The following LSP1 variants were observed in gnomAD, a reference collection of about 807,000 sequenced individuals.
The protein encoded by LSP1 is lymphocyte-specific protein 1.
In LSP1, 32 loss-of-function variants were observed where a neutral mutation model predicts 49.3. The ratio of observed to expected loss-of-function variants is 0.65; its 90% CI spans 0.49 to 0.87. The LOEUF is 0.87. LSP1 is among the 40% of genes least tolerant of loss of function. LSP1 has a pLI of 0.00. For missense variants in LSP1, 428 were observed against 442.6 expected (o/e 0.97, Z 0.30); for synonymous variants, 179 against 178.8 (o/e 1.00, Z -0.01).
intron 1 of LSP1, chr11:1,866,359 C>A: frequency 1.0e-6 from 1 of 971,268 alleles, no homozygotes; most frequent in Non-Finnish European, 1.5e-6. Context: ...TCTGAGAGGC[C>A]AGAGAGCCAG....
intron 1 of LSP1, among the ~76,000 whole-genome samples, chr11:1,875,190 G>A (rs1282870136): frequency 6.7e-6 from 1 of 148,958 alleles, no homozygotes; most frequent in Non-Finnish European, 1.5e-5. Context: ...GGGAGGCTCC[G>A]CCCTCCCCCC....
chr11:1,870,950 C>G, intron 1 of LSP1: 2 of 985,792 alleles, frequency 2.0e-6, no homozygotes, highest in African/African-American at 3.5e-5. Context: ...AGGCGGGAGG[C>G]GCAGCCGGGC....
chr11:1,857,625 C>G (rs1274150189), intron 1 of LSP1, among the ~76,000 whole-genome samples: 1 of 152,220 alleles, frequency 6.6e-6, no homozygotes, highest in Non-Finnish European at 1.5e-5. Flanking sequence ...CTTGCTTCGG[C>G]TGCTATAGGC....
intron 1 of LSP1, among the ~76,000 whole-genome samples, chr11:1,875,939 C>T (rs1485864799): frequency 4.6e-5 from 7 of 152,252 alleles, no homozygotes; most frequent in Admixed American, 3.9e-4. Context: ...CCTCGAGCCC[C>T]TCCCTGGACT....
At chr11:1,877,411 G>A (rs1252408524) in intron 1 of LSP1, among the ~76,000 whole-genome samples, 1 of 152,160 alleles carries the variant, frequency 6.6e-6, no homozygotes, top group African/African-American at 2.4e-5. Flanking sequence ...GGAGACACCA[G>A]GAGATGCTTA....
chr11:1,866,382 G>A, intron 1 of LSP1: 1 of 1,170,714 alleles, frequency 8.5e-7, no homozygotes, highest in South Asian at 1.7e-5. Context: ...ATGCCCATGG[G>A]GGTGAGCTAA....
At chr11:1,876,422 G>A in intron 1 of LSP1, 1 of 983,430 alleles carries the variant, frequency 1.0e-6, no homozygotes, top group Non-Finnish European at 1.2e-6. Flanking sequence ...GTCAGGCCTG[G>A]AGGAGAAGCT....
chr11:1,883,486 A>C lies in LSP1; in HGVS notation c.424A>C (p.Lys142Gln), dbSNP rs764725057. The change falls in exon 4 of 11, where the codon AAG becomes CAG. Residue 142 changes from lysine to glutamine, a missense_variant. By Grantham distance (53) the Lys-to-Gln change is moderately conservative (BLOSUM62 1). Coordinates refer to ENST00000311604, the MANE Select transcript of LSP1 (RefSeq NM_002339.3). ...EVHLEELSLS[K>Q]EGPGPEDTVQ... ...CCACCTGGAGGAGTTGAGTCTGAGCAAGGAGGGGCCAGGCCCAGAGGACAC... is the reference window on the plus strand; with the variant it reads ...CCACCTGGAGGAGTTGAGTCTGAGCCAGGAGGGGCCAGGCCCAGAGGACAC... The C allele has an allele frequency of 3.1e-6, 5 of 1,614,046 alleles. No individual in the cohort carries two copies. In the South Asian group the frequency reaches 4.4e-5, roughly 14 times the overall value.
intron 1 of LSP1, among the ~76,000 whole-genome samples, chr11:1,864,942 G>A (rs1342746986): frequency 1.3e-5 from 2 of 152,082 alleles, no homozygotes; most frequent in African/African-American, 4.8e-5. Context: ...CAGGGACAAG[G>A]AGAACACCAG....
rs139864773 is a variant in LSP1, at chr11:1,887,851, C to T, written c.*13+275C>T. 4.1e-3 allele frequency among the ~76,000 whole-genome samples: 619 copies of T among 152,306 alleles called. 7 individuals are homozygous for T. The highest frequency in any genetic ancestry group is 0.014 in the African/African-American group (590 of 41,570). ...GCTCAAGGCTCCCATCTGGGACTCCCCAAAAGCCACAGCAGGGCTCGTGAG... is the reference window on the plus strand; with the variant it reads ...GCTCAAGGCTCCCATCTGGGACTCCTCAAAAGCCACAGCAGGGCTCGTGAG... On this transcript the variant is annotated intron_variant, in intron 10 of 10. Coordinates refer to ENST00000311604, the MANE Select transcript of LSP1 (RefSeq NM_002339.3).
intron 1 of LSP1, among the ~76,000 whole-genome samples, chr11:1,867,693 T>C (rs1241009730): frequency 6.6e-6 from 1 of 152,180 alleles, no homozygotes; most frequent in African/African-American, 2.4e-5. Flanking sequence ...GGCAAAGTGC[T>C]GTGTCCTCAG....
At position 1,889,338 on chromosome 11, in the gene LSP1, C is replaced by A. The variant is rs2090868; in HGVS notation, c.*13+1762C>A. ...CTCCCCACCGCTGGGCCCTGCCAGG[C>A]GCCCTTGGGCCTCCGCCACTGACAT... is the stretch of plus-strand genomic sequence containing the variant. On this transcript the variant is annotated intron_variant, in intron 10 of 10. Coordinates refer to ENST00000311604, the MANE Select transcript of LSP1 (RefSeq NM_002339.3). The A allele has an allele frequency of 8.5e-4, 603 of 711,004 alleles. 1 individual carries two copies. Among genetic ancestry groups the A allele is most frequent in the East Asian group, 7.6e-3 (284 of 37,164 alleles). 44.0% of individuals were successfully genotyped at this position (711,004 alleles called of 1,614,324 possible).
chr11:1,858,608 C>A lies in LSP1; in HGVS notation c.53+5411C>A, dbSNP rs554502284. 5.3e-5 allele frequency among the ~76,000 whole-genome samples: 8 copies of A among 152,296 alleles called. No individual in the cohort carries two copies. The East Asian group carries it at 1.5e-3, about 29-fold the overall frequency. Reference sequence around the variant, plus strand: ...GACAGAACCAGGCCCTGGCTGTGGACGAGGCTGTATTGATACTTAGAAGAG... The same window carrying A: ...GACAGAACCAGGCCCTGGCTGTGGAAGAGGCTGTATTGATACTTAGAAGAG... On this transcript the variant is annotated intron_variant, in intron 1 of 10. Coordinates refer to ENST00000311604, the MANE Select transcript of LSP1 (RefSeq NM_002339.3).
chr11:1,869,685 T>C (rs1194629709), intron 1 of LSP1: 2 of 469,988 alleles, frequency 4.3e-6, no homozygotes, highest in Non-Finnish European at 4.4e-6. Flanking sequence ...AGGAGGAAGA[T>C]CAAAGAAGCG....
At chr11:1,870,068 C>A in intron 1 of LSP1, 1 of 445,228 alleles carries the variant, frequency 2.2e-6, no homozygotes, top group Non-Finnish European at 4.7e-6. Context: ...AGGACTGCGC[C>A]CCTGGCGACC....
At chr11:1,853,278 C>T in intron 1 of LSP1, 81 bp downstream of exon 1, 3 of 1,437,590 alleles carry the variant, frequency 2.1e-6, no homozygotes, top group Non-Finnish European at 1.9e-6. Context: ...GGGTGGAGAA[C>T]TGAGGTGCCT....
At chr11:1,871,916 T>G (rs12793163) in intron 1 of LSP1, among the ~76,000 whole-genome samples, 1 of 100,810 alleles carries the variant, frequency 9.9e-6, no homozygotes, top group Non-Finnish European at 2.1e-5. Flanking sequence ...GCGTGGGCAC[T>G]TTTGGGAGGG....
At chr11:1,873,189 G>A (rs1033289646) in intron 1 of LSP1, among the ~76,000 whole-genome samples, 2 of 151,890 alleles carry the variant, frequency 1.3e-5, no homozygotes, top group Non-Finnish European at 2.9e-5. Context: ...AGGGCTGTGC[G>A]GGTGGGGGGC....
chr11:1,866,808 A>T (rs1234696950), intron 1 of LSP1: 7 of 1,550,098 alleles, frequency 4.5e-6, no homozygotes, highest in Non-Finnish European at 5.2e-6. Flanking sequence ...CCCCCGGAGG[A>T]GGGGCAGAGC....
Sources: gnomAD v4.1 joint callset for allele counts (sites outside exome capture counted in the v4.1 genomes callset) on GRCh38, gnomAD v4.1.1 for gene constraint, MANE v1.5 for transcripts, NCBI Gene and HGNC (gene_info 2026-07-23, HGNC 2026-07-21) for gene names.